PAX7: variants seen among roughly 807,000 people sequenced by gnomAD.
PAX7 encodes the protein paired box 7.
PAX7 carries 18 observed loss-of-function variants against 50.7 expected under a neutral mutation model. That is an observed-to-expected ratio of 0.36 (90% CI 0.25 to 0.53). The LOEUF is 0.53. Ranked by LOEUF, PAX7 falls within the 20% of genes least tolerant of loss-of-function variation. The probability of loss-of-function intolerance (pLI) is 0.93; values close to 1 mark genes in which losing one functional copy is unlikely to be tolerated. For synonymous variants in PAX7, 310 were observed against 290.4 expected, an observed-to-expected ratio of 1.07 and a Z score of -0.69; for missense variants, 644 against 702.9, an observed-to-expected ratio of 0.92 and a Z score of 0.95.
chr1:18,723,527 CAGG>C (rs1456847723), intron 7 of PAX7, among the ~76,000 whole-genome samples: 1 of 152,212 alleles, frequency 6.6e-6, no homozygotes, highest in Non-Finnish European at 1.5e-5. Flanking sequence ...ACAGGGAATG[CAGG>C]AGGAGGACCT....
chr1:18,703,170 T>C lies in PAX7; in HGVS notation c.1029T>C (p.Ala343=). ...ACCAGGGCGGGCTGGCTGCAGCGGC[T>C]GCAGCCGCCGACACCAGCTCTGCCT... The part of the protein sequence containing the change: ...TMHQGGLAAA[A]AAADTSSAYG... The change falls in exon 7 of 9, where the codon GCT becomes GCC. Residue 343 remains alanine, a synonymous_variant. Coordinates refer to ENST00000420770, the MANE Select transcript of PAX7 (RefSeq NM_001135254.2). 8 of 1,611,896 alleles carry C rather than the reference T, an allele frequency of 5.0e-6. No homozygotes were observed. The African/African-American group carries it at 8.0e-5, about 16-fold the overall frequency.
At chr1:18,693,082 G>T (rs1298019574) in intron 5 of PAX7, among the ~76,000 whole-genome samples, 2 of 152,200 alleles carry the variant, frequency 1.3e-5, no homozygotes, top group Admixed American at 1.3e-4. Context: ...AAGTCGTGAT[G>T]AACGGCTCTT....
intron 7 of PAX7, among the ~76,000 whole-genome samples, chr1:18,717,034 G>C (rs1215212808): frequency 6.7e-6 from 1 of 150,254 alleles, no homozygotes; most frequent in East Asian, 2.0e-4. Flanking sequence ...CCCTCCCCGC[G>C]CTCCGCCGCC....
chr1:18,709,332 T>C (rs1557544155), intron 7 of PAX7, among the ~76,000 whole-genome samples: 1 of 152,224 alleles, frequency 6.6e-6, no homozygotes, highest in Non-Finnish European at 1.5e-5. Context: ...TCGTCTCCTT[T>C]GTTCCTTTCT....
At chr1:18,673,233 G>A (rs1164880923) in intron 4 of PAX7, among the ~76,000 whole-genome samples, 6 of 152,186 alleles carry the variant, frequency 3.9e-5, no homozygotes, top group African/African-American at 9.7e-5. Flanking sequence ...ATCTCTGAGC[G>A]CTTGGAATGA....
Position 18,636,193 on chromosome 1 carries a change from G to C in PAX7, c.452-44G>C, listed in dbSNP as rs373709198. The C allele has an allele frequency of 3.9e-5, 63 of 1,603,364 alleles. No homozygotes were observed. The highest frequency in any genetic ancestry group is 4.9e-5 in the Non-Finnish European group (58 of 1,172,948). ...GGCCCAGGCCACCGCTCGCTCCTCT[G>C]CTCCAACAACTTATACTTGCTCTTT... On this transcript the variant is annotated intron_variant, in intron 3 of 8. Transcript: ENST00000420770. The surrounding 1 kb of genome is among the most constrained non-coding windows in gnomAD (Gnocchi z 5.1).
rs375616600 is a variant in PAX7, at chr1:18,666,394, T to C, written c.587-25360T>C. Among the ~76,000 whole-genome samples, 5 of 152,290 alleles carry C rather than the reference T, an allele frequency of 3.3e-5. No individual in the cohort carries two copies. In the East Asian group the frequency reaches 9.7e-4, roughly 29 times the overall value. On this transcript the variant is annotated intron_variant, in intron 4 of 8. Coordinates refer to ENST00000420770, the MANE Select transcript of PAX7 (RefSeq NM_001135254.2). ...CTTGCTGTGATCTGTGGGGACCTCA[T>C]AGGCTCTCCAAAGAAGTTGTCAGGG...
chr1:18,682,809 G>A (rs1162146424), intron 4 of PAX7, among the ~76,000 whole-genome samples: 1 of 152,202 alleles, frequency 6.6e-6, no homozygotes, highest in African/African-American at 2.4e-5. Context: ...CCGGGCTGTG[G>A]GGGCGGGGTA....
intron 4 of PAX7, among the ~76,000 whole-genome samples, chr1:18,674,291 A>T (rs2088794524): frequency 6.6e-6 from 1 of 152,190 alleles, no homozygotes; most frequent in South Asian, 2.1e-4. Flanking sequence ...CTCATGGAGG[A>T]GGTAGGTGTC....
chr1:18,710,393 T>C (rs2089335461), intron 7 of PAX7, among the ~76,000 whole-genome samples: 1 of 152,094 alleles, frequency 6.6e-6, no homozygotes, highest in Non-Finnish European at 1.5e-5. Context: ...TATCACTTCC[T>C]CTTCATGCCC....
At chr1:18,727,890 G>A (rs973132614) in intron 7 of PAX7, among the ~76,000 whole-genome samples, 4 of 152,012 alleles carry the variant, frequency 2.6e-5, no homozygotes, top group African/African-American at 9.7e-5. Context: ...TGAAGTGGGG[G>A]ACAGGGAGAC....
intron 7 of PAX7, among the ~76,000 whole-genome samples, chr1:18,708,285 G>A (rs578052672): frequency 2.0e-5 from 3 of 152,154 alleles, no homozygotes; most frequent in South Asian, 4.1e-4. Flanking sequence ...GTGGGGTGCC[G>A]TGGCTCACAT....
At chr1:18,708,337 C>T (rs889783347) in intron 7 of PAX7, among the ~76,000 whole-genome samples, 2 of 152,028 alleles carry the variant, frequency 1.3e-5, no homozygotes, top group Non-Finnish European at 2.9e-5. Context: ...GGGAGGATCA[C>T]TTGAGGTCAG....
At chr1:18,703,495 G>C (rs1156387579) in intron 7 of PAX7, among the ~76,000 whole-genome samples, 199 bp downstream of exon 7, 1 of 152,266 alleles carries the variant, frequency 6.6e-6, no homozygotes, top group East Asian at 1.9e-4. Context: ...ATTCCTGAAA[G>C]GCAGGACCAT....
In PAX7 at chr1:18,636,459, G is replaced by A. The variant is rs1415507449; in HGVS notation, c.586+88G>A. The A allele has an allele frequency of 7.4e-6, 11 of 1,477,680 alleles. No homozygotes were observed. Among genetic ancestry groups the A allele is most frequent in the African/African-American group, 2.8e-5 (2 of 70,848 alleles). The allele number at this position is 1,477,680 out of a possible 1,614,324, so 91.5% of individuals were successfully genotyped here. ...CCAGTGGTTCGCTCCCGCCGCCGGAGCAGGCGACCAGAACTCCAGCGGAGA... is the reference window on the plus strand; with the variant it reads ...CCAGTGGTTCGCTCCCGCCGCCGGAACAGGCGACCAGAACTCCAGCGGAGA... On this transcript the variant is annotated intron_variant, in intron 4 of 8. Transcript: ENST00000420770. This position sits in a 1 kb window ranked among gnomAD's most constrained non-coding sequence, Gnocchi z 5.1.
chr1:18,673,228 T>C (rs1289157425), intron 4 of PAX7, among the ~76,000 whole-genome samples: 1 of 152,228 alleles, frequency 6.6e-6, no homozygotes, highest in Admixed American at 6.5e-5. Context: ...CTACCATCTC[T>C]GAGCGCTTGG....
At chr1:18,705,465 T>G (rs2089271230) in intron 7 of PAX7, among the ~76,000 whole-genome samples, 1 of 152,150 alleles carries the variant, frequency 6.6e-6, no homozygotes, top group Non-Finnish European at 1.5e-5. Flanking sequence ...GCTTTGGAGA[T>G]GGAGGGCCCC....
At chr1:18,638,562 G>T (rs1485313438) in intron 4 of PAX7, among the ~76,000 whole-genome samples, 1 of 133,310 alleles carries the variant, frequency 7.5e-6, no homozygotes, top group Non-Finnish European at 1.7e-5. Context: ...TGGGTGTGCT[G>T]GGTGCGCTGA....
intron 7 of PAX7, among the ~76,000 whole-genome samples, chr1:18,734,475 T>C (rs1175764076): frequency 6.6e-6 from 1 of 152,084 alleles, no homozygotes; most frequent in East Asian, 1.9e-4. Flanking sequence ...TGCTCTGCTC[T>C]GAACTGACTG....
Sources: gnomAD v4.1 joint callset for allele counts (sites outside exome capture counted in the v4.1 genomes callset) on GRCh38, gnomAD v4.1.1 for gene constraint, Gnocchi (gnomAD v3.1) non-coding constraint, MANE v1.5 for transcripts, NCBI Gene and HGNC (gene_info 2026-07-23, HGNC 2026-07-21) for gene names.